Variants in CTNNA2 observed in about 807,000 individuals in gnomAD.
The protein encoded by CTNNA2 is catenin alpha 2.
In CTNNA2, 42 loss-of-function variants were observed where a neutral mutation model predicts 101.0. The observed-to-expected ratio is 0.42, with a 90% confidence interval of 0.32 to 0.54. The LOEUF (loss-of-function observed/expected upper bound fraction) is 0.54. CTNNA2 is among the 20% of genes least tolerant of loss of function. The pLI, the probability that CTNNA2 is intolerant of heterozygous loss-of-function variation, is 0.14. For missense variants in CTNNA2, 871 were observed against 1,223.1 expected, an observed-to-expected ratio of 0.71 and a Z score of 4.29; for synonymous variants, 450 against 456.4, an observed-to-expected ratio of 0.99 and a Z score of 0.18.
At chr2:80,154,040 A>C (rs980851472) in intron 7 of CTNNA2, among the ~76,000 whole-genome samples, 1 of 152,200 alleles carries the variant, frequency 6.6e-6, no homozygotes, top group Non-Finnish European at 1.5e-5. Flanking sequence ...TTGTTAGAAA[A>C]ATGTAAACAA....
chr2:79,754,670 C>G (rs1377044364), intron 3 of CTNNA2, among the ~76,000 whole-genome samples: 1 of 152,122 alleles, frequency 6.6e-6, no homozygotes, highest in Admixed American at 6.5e-5. Context: ...CTTTATGCCT[C>G]TACTCCTTAT....
At chr2:80,104,555 A>G (rs2148848924) in intron 7 of CTNNA2, among the ~76,000 whole-genome samples, 1 of 152,322 alleles carries the variant, frequency 6.6e-6, no homozygotes, top group East Asian at 1.9e-4. Flanking sequence ...CTAGTCATTC[A>G]TGAGGAATAT....
intron 7 of CTNNA2, among the ~76,000 whole-genome samples, chr2:80,094,601 T>C (rs1457945783): frequency 6.6e-6 from 1 of 152,210 alleles, no homozygotes. Context: ...TTGGGCAGTA[T>C]GGCCATTTTC....
Position 80,044,235 on chromosome 2 carries a change from A to T in CTNNA2, c.1056+134438A>T, listed in dbSNP as rs1262808876. Among the ~76,000 whole-genome samples, 3 of 152,244 alleles carry T rather than the reference A, an allele frequency of 2.0e-5. No individual in the cohort carries two copies. In the East Asian group the frequency reaches 5.8e-4, roughly 29 times the overall value. ...ATGGTATTTTCTATAGTATAGAAAG[A>T]TAACATAGCCGCACACCTTTCAAAC... is the stretch of plus-strand genomic sequence containing the variant. On this transcript the variant is annotated intron_variant, in intron 7 of 18. Transcript: ENST00000402739.
At chr2:79,575,393 G>T (rs1031607899) in intron 1 of CTNNA2, 1 of 152,152 alleles carries the variant, frequency 6.6e-6, no homozygotes. Flanking sequence ...ATGCCATCGT[G>T]TTGTCTCCAC....
In CTNNA2 at chr2:79,690,870, G is replaced by A. The variant is rs554209879; in HGVS notation, c.102+39212G>A. Among the ~76,000 whole-genome samples, 3 of 152,062 alleles carry A rather than the reference G, an allele frequency of 2.0e-5. No homozygotes were observed. In the East Asian group the frequency reaches 5.8e-4, roughly 29 times the overall value. On this transcript the variant is annotated intron_variant, in intron 2 of 18. Coordinates refer to ENST00000402739, the MANE Select transcript of CTNNA2 (RefSeq NM_001282597.3). ...AAACATTCACGTATTTATACATGGG[G>A]TTAACAGGTTGCATTAGGTGGTGAG...
intron 1 of CTNNA2, among the ~76,000 whole-genome samples, chr2:79,568,746 G>A (rs1675272850): frequency 6.6e-6 from 1 of 150,948 alleles, no homozygotes; most frequent in African/African-American, 2.4e-5. Flanking sequence ...ATAGGGCCAG[G>A]CACGGTGGCT....
intron 3 of CTNNA2, among the ~76,000 whole-genome samples, chr2:79,818,849 G>GATA (rs1558549300): frequency 1.8e-3 from 158 of 86,338 alleles, no homozygotes; most frequent in African/African-American, 8.3e-3. Context: ...ATATATATAT[G>GATA]GATGTATGTG....
Position 80,333,501 on chromosome 2 carries a change from G to A in CTNNA2, c.1057-59710G>A, listed in dbSNP as rs75795263. ...AAATACTTGGTAGAGTGACACATTC[G>A]TATAAGAGGATTTCAGGAAAACTGA... On this transcript the variant is annotated intron_variant, in intron 7 of 18. Transcript: ENST00000402739. Among the ~76,000 whole-genome samples the A allele has an allele frequency of 9.5e-3, 1,453 of 152,300 alleles. 18 individuals carry two copies. Among genetic ancestry groups the A allele is most frequent in the African/African-American group, 0.033 (1,358 of 41,544 alleles).
chr2:79,312,297 C>A (rs758872575), intron 2 of CTNNA2, among the ~76,000 whole-genome samples: 1 of 152,178 alleles, frequency 6.6e-6, no homozygotes, highest in Non-Finnish European at 1.5e-5. Context: ...GCCAGTCATT[C>A]TTCTGCAGTT....
At chr2:79,907,345 A>G (rs1323148704) in intron 6 of CTNNA2, among the ~76,000 whole-genome samples, 1 of 148,004 alleles carries the variant, frequency 6.8e-6, no homozygotes, top group African/African-American at 2.6e-5. Context: ...ACACACACAC[A>G]CACACATACA....
intron 2 of CTNNA2, among the ~76,000 whole-genome samples, chr2:79,267,261 T>C (rs1375993352): frequency 1.3e-5 from 2 of 152,132 alleles, no homozygotes; most frequent in Admixed American, 6.5e-5. Flanking sequence ...TGGTGGCTTA[T>C]AAATAACAGA....
chr2:79,252,292 A>ATTT (rs5832371), intron 2 of CTNNA2, among the ~76,000 whole-genome samples: 84 of 150,490 alleles, frequency 5.6e-4, no homozygotes, highest in East Asian at 1.2e-3. Context: ...TTTGGAAGAG[A>ATTT]TTTTTTTTTT....
intron 7 of CTNNA2, among the ~76,000 whole-genome samples, chr2:80,375,471 A>G (rs1441350088): frequency 6.6e-6 from 1 of 151,686 alleles, no homozygotes; most frequent in African/African-American, 2.4e-5. Flanking sequence ...AAAGACTTGA[A>G]CCCATAACAT....
At chr2:80,080,469 C>T (rs771929701) in intron 7 of CTNNA2, among the ~76,000 whole-genome samples, 12 of 152,120 alleles carry the variant, frequency 7.9e-5, no homozygotes, top group African/African-American at 1.9e-4. Context: ...AATCAATTCA[C>T]GGTAGATTGT....
intron 7 of CTNNA2, among the ~76,000 whole-genome samples, chr2:80,220,533 G>A (rs1708517046): frequency 6.6e-6 from 1 of 152,182 alleles, no homozygotes; most frequent in African/African-American, 2.4e-5. Context: ...ACCAGCCTGG[G>A]CAACATAGCA....
At chr2:79,880,858 T>A (rs1558607624) in intron 6 of CTNNA2, among the ~76,000 whole-genome samples, 1 of 152,198 alleles carries the variant, frequency 6.6e-6, no homozygotes, top group Admixed American at 6.5e-5. Context: ...TATATTCTGC[T>A]AGCTATTGGA....
chr2:80,181,419 T>A (rs934499156), intron 7 of CTNNA2, among the ~76,000 whole-genome samples: 1 of 152,154 alleles, frequency 6.6e-6, no homozygotes, highest in African/African-American at 2.4e-5. Flanking sequence ...CACATCCCCA[T>A]TCCAAGTTGC....
chr2:80,529,199 C>A (rs1690305820), intron 9 of CTNNA2, among the ~76,000 whole-genome samples: 1 of 152,100 alleles, frequency 6.6e-6, no homozygotes, highest in South Asian at 2.1e-4. Context: ...TAACTATTTT[C>A]AGATTTGTAG....
Sources: allele counts gnomAD v4.1 joint callset (sites outside exome capture counted in the v4.1 genomes callset), GRCh38; gene constraint gnomAD v4.1.1; transcripts MANE v1.5; gene names NCBI Gene and HGNC (gene_info 2026-07-23, HGNC 2026-07-21).